The following PACC1 variants were observed in gnomAD, a reference collection of about 807,000 sequenced individuals.
PACC1 encodes proton activated chloride channel 1, also known as proton-activated chloride channel.
In PACC1, 34 loss-of-function variants were observed where a neutral mutation model predicts 39.7. The ratio of observed to expected loss-of-function variants is 0.86; its 90% CI spans 0.65 to 1.14. PACC1 has a LOEUF of 1.14. Among genes scored for constraint, PACC1 ranks in the 50% most tolerant of loss-of-function variants. The probability of loss-of-function intolerance (pLI) is 0.00; values close to 1 mark genes in which losing one functional copy is unlikely to be tolerated. For missense variants in PACC1, 379 were observed against 436.4 expected, an observed-to-expected ratio of 0.87 and a Z score of 1.17; for synonymous variants, 127 against 160.6, an observed-to-expected ratio of 0.79 and a Z score of 1.58.
chr1:212,370,184 T>C (rs909427497), intron 7 of PACC1, among the ~76,000 whole-genome samples: 1 of 152,102 alleles, frequency 6.6e-6, no homozygotes, highest in African/African-American at 2.4e-5. Context: ...ACATTTCATC[T>C]GGCCAGGTGC....
intron 2 of PACC1, among the ~76,000 whole-genome samples, chr1:212,406,172 C>T (rs1280257040): frequency 2.1e-5 from 3 of 142,922 alleles, no homozygotes; most frequent in Non-Finnish European, 4.5e-5. Flanking sequence ...AAAGCACCCC[C>T]AAAATGGCAA....
intron 2 of PACC1, among the ~76,000 whole-genome samples, chr1:212,399,013 G>C (rs147939902): frequency 1.4e-3 from 206 of 152,330 alleles, no homozygotes; most frequent in Middle Eastern, 3.4e-3. Context: ...TATTTAGCTT[G>C]GAAGGTACAA....
At chr1:212,390,595 CA>C (rs1445014468) in intron 2 of PACC1, among the ~76,000 whole-genome samples, 1 of 151,762 alleles carries the variant, frequency 6.6e-6, no homozygotes, top group Non-Finnish European at 1.5e-5. Flanking sequence ...ACAGTGGGTG[CA>C]GGACAGTGGG....
chr1:212,405,354 C>T, intron 2 of PACC1, among the ~76,000 whole-genome samples: 1 of 152,140 alleles, frequency 6.6e-6, no homozygotes, highest in East Asian at 1.9e-4. Context: ...ACTTGTAGGG[C>T]AGTGCCAAGG....
chr1:212,402,793 T>TAA (rs1344444626), intron 2 of PACC1, among the ~76,000 whole-genome samples: 2 of 152,142 alleles, frequency 1.3e-5, no homozygotes, highest in Non-Finnish European at 2.9e-5. Flanking sequence ...TAGCTGGAAT[T>TAA]ACAGGCATGA....
At chr1:212,399,202 G>A (rs1177208115) in intron 2 of PACC1, among the ~76,000 whole-genome samples, 1 of 152,174 alleles carries the variant, frequency 6.6e-6, no homozygotes, top group African/African-American at 2.4e-5. Flanking sequence ...TGACTGATTT[G>A]TTGCATAACA....
chr1:212,413,870 C>A (rs373219318), intron 1 of PACC1: 19 of 1,522,690 alleles, frequency 1.2e-5, no homozygotes, highest in African/African-American at 4.1e-5. Context: ...ACAGCAAACA[C>A]AGGGACACAA....
At chr1:212,380,096 T>TA in intron 4 of PACC1, 59 bp from the exon 5 acceptor site, 1 of 1,575,096 alleles carries the variant, frequency 6.3e-7, no homozygotes, top group Non-Finnish European at 8.6e-7. Flanking sequence ...GGCCTCTGGG[T>TA]CTGAGGGCAG....
intron 2 of PACC1, among the ~76,000 whole-genome samples, chr1:212,390,948 T>G (rs952094276): frequency 1.3e-5 from 2 of 152,142 alleles, no homozygotes; most frequent in African/African-American, 4.8e-5. Flanking sequence ...GCCGGGAAGC[T>G]CGAACTGGGT....
At chr1:212,382,774 C>T (rs924568630) in intron 4 of PACC1, among the ~76,000 whole-genome samples, 7 of 152,194 alleles carry the variant, frequency 4.6e-5, no homozygotes, top group Non-Finnish European at 4.4e-5. Flanking sequence ...TGTGCAGCCA[C>T]CAGGGAGGGC....
At chr1:212,404,737 C>T (rs1287975025) in intron 2 of PACC1, among the ~76,000 whole-genome samples, 1 of 148,834 alleles carries the variant, frequency 6.7e-6, no homozygotes, top group African/African-American at 2.5e-5. Context: ...GCTGGGATTA[C>T]AGGCGTGCAT....
In PACC1 at chr1:212,400,035, G is replaced by A. The variant is rs551000634; in HGVS notation, c.133+10390C>T. Among the ~76,000 whole-genome samples, 32 of 152,010 alleles carry A rather than the reference G, an allele frequency of 2.1e-4. 1 individual carries two copies. Among genetic ancestry groups the A allele is most frequent in the Admixed American group, 1.3e-3 (20 of 15,264 alleles). ...AATTTTTTATATATTTAGTAGAAAC[G>A]GGCTTTCACCATGTTAGCCAGGCTG... On this transcript the variant is annotated intron_variant, in intron 2 of 7. Coordinates refer to ENST00000261455, the MANE Select transcript of PACC1 (RefSeq NM_018252.3).
At chr1:212,382,400 G>A (rs935603099) in intron 4 of PACC1, among the ~76,000 whole-genome samples, 4 of 152,168 alleles carry the variant, frequency 2.6e-5, no homozygotes, top group Admixed American at 1.3e-4. Context: ...CATTTGGGCA[G>A]TGGGAAAATG....
At chr1:212,407,639 T>A (rs1435272708) in intron 2 of PACC1, among the ~76,000 whole-genome samples, 1 of 152,212 alleles carries the variant, frequency 6.6e-6, no homozygotes, top group Non-Finnish European at 1.5e-5. Flanking sequence ...TTTGTGTGAG[T>A]GTTTTTGGTT....
intron 2 of PACC1, among the ~76,000 whole-genome samples, chr1:212,392,043 C>T (rs1241988246): frequency 6.6e-6 from 1 of 152,178 alleles, no homozygotes; most frequent in Non-Finnish European, 1.5e-5. Context: ...AGGAGAACTT[C>T]CCCAACCAAG....
chr1:212,380,340 CTT>C (rs1183807151), intron 4 of PACC1, among the ~76,000 whole-genome samples: 4 of 152,198 alleles, frequency 2.6e-5, no homozygotes, highest in Admixed American at 2.0e-4. Context: ...GTGTGCCAAT[CTT>C]TTCTTCCAGT....
In PACC1 at chr1:212,410,494, C is replaced by T. The variant is rs1468823031; in HGVS notation, c.64G>A (p.Glu22Lys). The T allele has an allele frequency of 1.2e-6, 2 of 1,614,188 alleles. No individual in the cohort carries two copies. Among genetic ancestry groups the T allele is most frequent in the South Asian group, 2.2e-5 (2 of 91,076 alleles). Residue 22 changes from glutamate to lysine, a missense_variant, in exon 2 of 8, where the codon GAG becomes AAG. Physicochemically the swap from Glu to Lys is moderately conservative, Grantham distance 56. Coordinates refer to ENST00000261455, the MANE Select transcript of PACC1 (RefSeq NM_018252.3). The part of the protein sequence containing the change: ...ELSEELVQVV[E>K]NSELADEQDK... ...TGCTCGTCTGCCAGCTCTGAGTTCT[C>T]AACCACCTGGACCAACTCCTCACTC...
chr1:212,381,212 G>A (rs985135461), intron 4 of PACC1, among the ~76,000 whole-genome samples: 3 of 152,170 alleles, frequency 2.0e-5, no homozygotes, highest in Non-Finnish European at 4.4e-5. Context: ...ATATATAAAT[G>A]TCATGCTGTT....
intron 7 of PACC1, among the ~76,000 whole-genome samples, chr1:212,374,365 T>A (rs879354823): frequency 1.3e-5 from 2 of 151,446 alleles, no homozygotes; most frequent in Non-Finnish European, 2.9e-5. Flanking sequence ...TAAAAAAAAA[T>A]GAGTCTCATG....
Sources: allele counts gnomAD v4.1 joint callset (sites outside exome capture counted in the v4.1 genomes callset), GRCh38; gene constraint gnomAD v4.1.1; transcripts MANE v1.5; gene names NCBI Gene and HGNC (gene_info 2026-07-23, HGNC 2026-07-21).